The following TAFA2 variants were observed in gnomAD, a reference collection of about 807,000 sequenced individuals.
TAFA2 encodes the protein chemokine-like protein TAFA-2.
In TAFA2, 7 loss-of-function variants were observed where a neutral mutation model predicts 18.8. That is an observed-to-expected ratio of 0.37 (90% confidence interval 0.21 to 0.70). TAFA2 has a LOEUF of 0.70. Ranked by LOEUF, TAFA2 falls within the 30% of genes least tolerant of loss-of-function variation. The probability of loss-of-function intolerance (pLI) is 0.53; values close to 1 mark genes in which losing one functional copy is unlikely to be tolerated. For missense variants in TAFA2, 122 were observed against 158.1 expected, an observed-to-expected ratio of 0.77 and a Z score of 1.23; for synonymous variants, 60 against 54.2, an observed-to-expected ratio of 1.11 and a Z score of -0.47.
chr12:62,234,661 T>C, intron 1 of TAFA2: 1 of 905,344 alleles, frequency 1.1e-6, no homozygotes, highest in Non-Finnish European at 1.8e-6. Flanking sequence ...TAGGAGCGTT[T>C]GGTATAAGCT....
At chr12:61,735,516 T>A (rs1257242524) in intron 4 of TAFA2, among the ~76,000 whole-genome samples, 1 of 152,070 alleles carries the variant, frequency 6.6e-6, no homozygotes, top group East Asian at 1.9e-4. Context: ...TAAACATTAT[T>A]TATTTGCTTT....
intron 1 of TAFA2, among the ~76,000 whole-genome samples, chr12:62,104,568 T>G (rs1869361057): frequency 6.6e-6 from 1 of 152,222 alleles, no homozygotes; most frequent in South Asian, 2.1e-4. Flanking sequence ...CAAAATGGAA[T>G]GTGCATCATA....
intron 1 of TAFA2, among the ~76,000 whole-genome samples, chr12:61,897,067 AT>A (rs1875879064): frequency 6.6e-6 from 1 of 152,326 alleles, no homozygotes; most frequent in Admixed American, 6.5e-5. Flanking sequence ...AGAAAGCAAA[AT>A]AATAAGACAA....
At chr12:61,995,370 G>T (rs1880149767) in intron 1 of TAFA2, among the ~76,000 whole-genome samples, 1 of 152,180 alleles carries the variant, frequency 6.6e-6, no homozygotes, top group Non-Finnish European at 1.5e-5. Context: ...CCTCCTTAGA[G>T]ATTTTTACCA....
intron 1 of TAFA2, among the ~76,000 whole-genome samples, chr12:62,178,624 T>C (rs528949626): frequency 2.6e-5 from 4 of 152,312 alleles, no homozygotes; most frequent in South Asian, 4.1e-4. Flanking sequence ...TTTAAGTCAG[T>C]TCTCTTTCTC....
In TAFA2 at chr12:61,841,741, T is replaced by C. The variant is rs185622849; in HGVS notation, c.106+25579A>G. The stretch of plus-strand genomic sequence containing the variant: ...ATATATTTCAAAATAGAAAAGGGAA[T>C]TTTTAATGTTCTCATCGCAACAAAG... On this transcript the variant is annotated intron_variant, in intron 2 of 4. Coordinates refer to ENST00000416284, the MANE Select transcript of TAFA2 (RefSeq NM_178539.5). 1.5e-3 allele frequency among the ~76,000 whole-genome samples: 234 copies of C among 152,176 alleles called. 1 individual carries two copies. In the East Asian group the frequency reaches 0.027, roughly 17 times the overall value.
At chr12:62,145,996 T>C (rs895921614) in intron 1 of TAFA2, among the ~76,000 whole-genome samples, 4 of 152,232 alleles carry the variant, frequency 2.6e-5, no homozygotes, top group Non-Finnish European at 5.9e-5. Context: ...TTCCTTGCCA[T>C]GCCAAATGAT....
intron 4 of TAFA2, among the ~76,000 whole-genome samples, chr12:61,742,956 A>G (rs1342882475): frequency 2.0e-5 from 3 of 151,978 alleles, no homozygotes; most frequent in African/African-American, 7.2e-5. Flanking sequence ...GACATTATGA[A>G]GTATAAATCA....
intron 1 of TAFA2, among the ~76,000 whole-genome samples, chr12:61,896,080 G>T (rs1263416199): frequency 6.6e-6 from 1 of 151,988 alleles, no homozygotes; most frequent in East Asian, 1.9e-4. Flanking sequence ...GTAAAGGGAG[G>T]GGAGAAAAGG....
At chr12:61,751,291 G>C (rs1256078849) in intron 4 of TAFA2, among the ~76,000 whole-genome samples, 1 of 152,040 alleles carries the variant, frequency 6.6e-6, no homozygotes, top group East Asian at 1.9e-4. Flanking sequence ...AAATTGTTTG[G>C]TGGGCCAAAC....
chr12:61,962,942 T>A (rs1181910573), intron 1 of TAFA2, among the ~76,000 whole-genome samples: 2 of 152,048 alleles, frequency 1.3e-5, no homozygotes, highest in African/African-American at 2.4e-5. Flanking sequence ...GTTCTCACTG[T>A]CCAACTCTCA....
intron 1 of TAFA2, among the ~76,000 whole-genome samples, chr12:61,889,887 C>T (rs1447188714): frequency 1.3e-5 from 2 of 152,208 alleles, no homozygotes; most frequent in African/African-American, 2.4e-5. Context: ...ACTTCCCCAT[C>T]AACCACTGAC....
intron 1 of TAFA2, among the ~76,000 whole-genome samples, chr12:62,056,504 T>C (rs954417736): frequency 1.6e-4 from 24 of 152,140 alleles, no homozygotes; most frequent in African/African-American, 5.6e-4. Context: ...GTGGAAGAAA[T>C]TGTTCTAGAA....
intron 1 of TAFA2, among the ~76,000 whole-genome samples, chr12:61,964,327 T>C (rs1362614061): frequency 3.3e-5 from 5 of 151,902 alleles, no homozygotes; most frequent in African/African-American, 1.2e-4. Context: ...TTCCTCACTA[T>C]ATATTCCTAA....
At chr12:61,997,845 T>C (rs10877780) in intron 1 of TAFA2, among the ~76,000 whole-genome samples, 131,060 of 152,082 alleles carry the variant, frequency 0.86, 56,626 homozygotes, top group Non-Finnish European at 0.88. Context: ...AAGCTGTTCA[T>C]ATTTGAACAA....
intron 1 of TAFA2, among the ~76,000 whole-genome samples, chr12:62,081,913 G>T (rs532149251): frequency 6.6e-6 from 1 of 151,970 alleles, no homozygotes. Context: ...CCCAGCATCC[G>T]TTAGCTATTC....
chr12:61,917,127 G>C (rs539431588), intron 1 of TAFA2, among the ~76,000 whole-genome samples: 73 of 152,180 alleles, frequency 4.8e-4, no homozygotes, highest in Non-Finnish European at 8.2e-4. Flanking sequence ...AAGATCAAGA[G>C]GGATAACTGT....
chr12:61,990,670 C>T (rs181843236), intron 1 of TAFA2, among the ~76,000 whole-genome samples: 2 of 152,240 alleles, frequency 1.3e-5, no homozygotes, highest in Admixed American at 6.5e-5. Flanking sequence ...ATATTTATAT[C>T]TATTCTGACC....
rs139950429 is a variant in TAFA2, at chr12:61,926,045, A to C, written c.-1-58619T>G. Among the ~76,000 whole-genome samples the C allele has an allele frequency of 1.5e-3, 222 of 152,320 alleles. 1 individual carries two copies. The highest frequency in any genetic ancestry group is 5.1e-3 in the African/African-American group (213 of 41,572). On this transcript the variant is annotated intron_variant, in intron 1 of 4. Coordinates refer to ENST00000416284, the MANE Select transcript of TAFA2 (RefSeq NM_178539.5). Reference sequence around the variant, plus strand: ...CCACCACTGATCCCACAGAAATACAAACTACCATCAGAGAATACTATAAAC... The same window carrying C: ...CCACCACTGATCCCACAGAAATACACACTACCATCAGAGAATACTATAAAC...
Sources: allele counts gnomAD v4.1 joint callset (sites outside exome capture counted in the v4.1 genomes callset), GRCh38; gene constraint gnomAD v4.1.1; transcripts MANE v1.5; gene names NCBI Gene and HGNC (gene_info 2026-07-23, HGNC 2026-07-21).